SNCG: variants seen among roughly 807,000 people sequenced by gnomAD.
SNCG encodes synuclein gamma, also known as gamma-synuclein.
SNCG carries 13 observed loss-of-function variants against 16.0 expected under a neutral mutation model. That is an observed-to-expected ratio of 0.81 (90% CI 0.53 to 1.29). The LOEUF is 1.29. SNCG is among the 50% of genes most tolerant of loss of function. The pLI, the probability that SNCG is intolerant of heterozygous loss-of-function variation, is 0.00. For synonymous variants in SNCG, 66 were observed against 66.3 expected (o/e 1.00, Z 0.02); for missense variants, 154 against 168.5 (o/e 0.91, Z 0.48).
upstream of SNCG, among the ~76,000 whole-genome samples, chr10:86,956,903 G>A (rs528302968): frequency 4.6e-5 from 7 of 152,336 alleles, no homozygotes; most frequent in African/African-American, 9.6e-5. Flanking sequence ...GAGGCAGAGC[G>A]CCCTGGACTG....
At chr10:86,957,766 T>C, upstream of SNCG, 6 of 1,349,300 alleles carry the variant, frequency 4.4e-6, no homozygotes, top group Non-Finnish European at 5.7e-6. Context: ...TTCCTGTCCC[T>C]GAGGACTTGG....
upstream of SNCG, among the ~76,000 whole-genome samples, chr10:86,956,595 C>T (rs1844236517): frequency 6.6e-6 from 1 of 152,222 alleles, no homozygotes; most frequent in Admixed American, 6.5e-5. Context: ...GATCCTGCTC[C>T]TTAGCTGTGT....
chr10:86,957,402 T>A, upstream of SNCG: 1 of 1,613,554 alleles, frequency 6.2e-7, no homozygotes. Context: ...CTTGCCGGTG[T>A]CCTCAGCCTC....
chr10:86,959,692 C>T lies in SNCG; in HGVS notation c.163+18C>T. 6.3e-7 allele frequency: 1 copy of T among 1,598,154 alleles called. No homozygotes were observed. Among genetic ancestry groups the T allele is most frequent in the South Asian group, 1.1e-5 (1 of 88,334 alleles). ...GACCTCAGGTGAGAAGCCCCAGGGC[C>T]AGGGGACACATGGGGGATAGGACCC... On this transcript the variant is annotated intron_variant, in intron 2 of 4. Transcript: ENST00000372017. This position sits in a 1 kb window ranked among gnomAD's most constrained non-coding sequence, Gnocchi z 4.3.
upstream of SNCG, chr10:86,957,455 G>C (rs146099184): frequency 1.6e-5 from 26 of 1,613,604 alleles, no homozygotes; most frequent in South Asian, 2.6e-4. Context: ...GCAGATCAGA[G>C]AGGCTAGTAC....
chr10:86,957,437 G>A (rs754581434), upstream of SNCG: 2 of 1,613,826 alleles, frequency 1.2e-6, no homozygotes, highest in Non-Finnish European at 8.5e-7. Flanking sequence ...CAGGTGTCCT[G>A]GAGCTCTGCA....
upstream of SNCG, chr10:86,957,857 T>C (rs1369054168): frequency 1.2e-5 from 14 of 1,139,052 alleles, no homozygotes; most frequent in Non-Finnish European, 1.5e-5. Context: ...CTGGGAGCCA[T>C]GAAAAGAGCG....
At chr10:86,958,449 C>A (rs967599076), upstream of SNCG, 2 of 985,394 alleles carry the variant, frequency 2.0e-6, no homozygotes, top group Non-Finnish European at 2.4e-6. Context: ...GCCCAGGGAG[C>A]CTGGTCTCTG....
chr10:86,957,264 C>T (rs1844250234), upstream of SNCG: 3 of 1,104,936 alleles, frequency 2.7e-6, no homozygotes, highest in Non-Finnish European at 4.1e-6. Context: ...GAGATAGATA[C>T]TATTAGCCCA....
intron 3 of SNCG, among the ~76,000 whole-genome samples, chr10:86,961,875 G>A (rs867793178): frequency 3.9e-5 from 6 of 152,094 alleles, no homozygotes; most frequent in Non-Finnish European, 7.4e-5. Flanking sequence ...CCTCCCCCCC[G>A]TCCCCCGCCA....
At position 86,959,944 on chromosome 10, in the gene SNCG, A is replaced by G. The variant is rs1461381364; in HGVS notation, c.164-57A>G. Reference sequence around the variant, plus strand: ...GGGAAGGGGCTGCGAGCCTGACTCCAGCAGGCCTGCCTTGGGGCTGGGGCT... The same window carrying G: ...GGGAAGGGGCTGCGAGCCTGACTCCGGCAGGCCTGCCTTGGGGCTGGGGCT... On this transcript the variant is annotated intron_variant, in intron 2 of 4. Coordinates refer to ENST00000372017, the MANE Select transcript of SNCG (RefSeq NM_003087.3). The surrounding 1 kb of genome is among the most constrained non-coding windows in gnomAD (Gnocchi z 4.3). The G allele has an allele frequency of 1.3e-6, 2 of 1,553,574 alleles. No homozygotes were observed. The highest frequency in any genetic ancestry group is 1.7e-6 in the Non-Finnish European group (2 of 1,148,836).
rs1442148390 is a variant in SNCG, at chr10:86,961,275, C to T, written c.291+1147C>T. Among the ~76,000 whole-genome samples the T allele has an allele frequency of 5.3e-5, 8 of 152,126 alleles. No homozygotes were observed. The East Asian group carries it at 5.8e-4, about 11-fold the overall frequency. ...GCTCCCTCTCCTAGTTCCCCTTTCT[C>T]GTCGTATGACCTTGAGAAGCAAAGG... On this transcript the variant is annotated intron_variant, in intron 3 of 4. Transcript: ENST00000372017.
At chr10:86,956,516 A>G (rs918549135), upstream of SNCG, among the ~76,000 whole-genome samples, 1 of 152,142 alleles carries the variant, frequency 6.6e-6, no homozygotes, top group African/African-American at 2.4e-5. Context: ...TGGAGGTAGG[A>G]GCATCTGGGG....
Position 86,958,767 on chromosome 10 carries a change from C to T in SNCG, c.70C>T (p.Gln24Ter), listed in dbSNP as rs1211128572. 1 of 1,613,448 alleles carries T rather than the reference C, an allele frequency of 6.2e-7. No individual in the cohort carries two copies. The highest frequency in any genetic ancestry group is 1.1e-5 in the South Asian group (1 of 90,984). Reference protein sequence around the residue: ...GVVGAVEKTKQGVTEAAEKTK... With the variant: ...GVVGAVEKTK ...GGTGGGTGCGGTGGAAAAGACCAAG[C>T]AGGGGGTGACGGAAGCAGCTGAGAA... Residue 24 changes from glutamine to a stop codon, truncating the protein, a stop_gained, in exon 1 of 5, where the codon CAG (glutamine) becomes TAG (stop). Coordinates refer to ENST00000372017, the MANE Select transcript of SNCG (RefSeq NM_003087.3). LOFTEE classifies it high-confidence loss of function.
At chr10:86,960,665 CGT>C (rs769500722) in intron 3 of SNCG, among the ~76,000 whole-genome samples, 3 of 152,120 alleles carry the variant, frequency 2.0e-5, no homozygotes, top group Non-Finnish European at 4.4e-5. Flanking sequence ...TGTGTGTGCA[CGT>C]GTGTTGAGTG....
rs945718587 is a variant in SNCG, at chr10:86,959,831, C to T, written c.163+157C>T. ...GACCATGAGGCTAAACTAGGGTGGG[C>T]GTCTCCTTACCCCCACCAGCATCAG... On this transcript the variant is annotated intron_variant, in intron 2 of 4. Transcript: ENST00000372017. The surrounding 1 kb of genome is among the most constrained non-coding windows in gnomAD (Gnocchi z 4.3). 7.2e-6 allele frequency: 9 copies of T among 1,256,012 alleles called. No individual in the cohort carries two copies. Among genetic ancestry groups the T allele is most frequent in the South Asian group, 1.5e-5 (1 of 66,852 alleles). The allele number at this position is 1,256,012 out of a possible 1,614,324, so 77.8% of individuals were successfully genotyped here. A position where few individuals can be genotyped will look rare whatever the true frequency, so the allele number is the denominator to read the frequency against.
At chr10:86,961,073 C>T (rs981858658) in intron 3 of SNCG, among the ~76,000 whole-genome samples, 2 of 152,080 alleles carry the variant, frequency 1.3e-5, no homozygotes, top group African/African-American at 4.8e-5. Context: ...AGCTCTCCTA[C>T]CTGCTCCAGG....
At chr10:86,961,815 G>A (rs928688047) in intron 3 of SNCG, among the ~76,000 whole-genome samples, 2 of 152,122 alleles carry the variant, frequency 1.3e-5, no homozygotes, top group Non-Finnish European at 2.9e-5. Context: ...GCCCCACTCC[G>A]CCAAGGGGCA....
upstream of SNCG, chr10:86,957,705 C>T: frequency 7.6e-7 from 1 of 1,315,264 alleles, no homozygotes; most frequent in Non-Finnish European, 1.0e-6. Context: ...CTTGTCCTGC[C>T]CCCCAACTAC....
Sources: allele counts gnomAD v4.1 joint callset (sites outside exome capture counted in the v4.1 genomes callset), GRCh38; gene constraint gnomAD v4.1.1; non-coding constraint Gnocchi (gnomAD v3.1); transcripts MANE v1.5; gene names NCBI Gene and HGNC (gene_info 2026-07-23, HGNC 2026-07-21).